The following EXOC4 variants were observed in gnomAD, a reference collection of about 807,000 sequenced individuals.
EXOC4 encodes the protein exocyst complex component 4.
In EXOC4, 71 loss-of-function variants were observed where a neutral mutation model predicts 107.2. The ratio of observed to expected loss-of-function variants is 0.66; its 90% CI spans 0.55 to 0.81. The LOEUF is 0.81. Ranked by LOEUF, EXOC4 falls within the 30% of genes least tolerant of loss-of-function variation. The probability of loss-of-function intolerance (pLI) is 0.00; values close to 1 mark genes in which losing one functional copy is unlikely to be tolerated. For missense variants in EXOC4, 1,108 were observed against 1,189.6 expected (o/e 0.93, Z 1.01); for synonymous variants, 456 against 441.2 (o/e 1.03, Z -0.42).
At chr7:133,330,640 C>A (rs1019224427) in intron 5 of EXOC4, among the ~76,000 whole-genome samples, 1 of 130,038 alleles carries the variant, frequency 7.7e-6, no homozygotes. Flanking sequence ...CTGTTCCTCA[C>A]GGCACGGCAC....
intron 11 of EXOC4, among the ~76,000 whole-genome samples, chr7:133,839,718 C>T (rs1211772992): frequency 6.6e-6 from 1 of 152,202 alleles, no homozygotes; most frequent in Admixed American, 6.5e-5. Flanking sequence ...TCCAGAACCT[C>T]AGACCACTAT....
At chr7:133,484,069 C>T (rs746469739) in intron 9 of EXOC4, 1 of 1,613,890 alleles carries the variant, frequency 6.2e-7, no homozygotes, top group Non-Finnish European at 8.5e-7. Flanking sequence ...ACCAGAAAGA[C>T]AATCAAAGTA....
At chr7:133,429,770 G>T (rs1797812091) in intron 7 of EXOC4, among the ~76,000 whole-genome samples, 2 of 152,216 alleles carry the variant, frequency 1.3e-5, no homozygotes, top group Admixed American at 6.5e-5. Flanking sequence ...CCATGTTATA[G>T]CATGGCAGTA....
chr7:133,414,677 G>C (rs538998727), intron 7 of EXOC4, among the ~76,000 whole-genome samples: 2 of 152,192 alleles, frequency 1.3e-5, no homozygotes, highest in South Asian at 4.1e-4. Flanking sequence ...AATGTAAACT[G>C]TAAAAGAGTA....
At position 133,557,445 on chromosome 7, in the gene EXOC4, C is replaced by T. The variant is rs1272419752; in HGVS notation, c.1418-72600C>T. Among the ~76,000 whole-genome samples the T allele has an allele frequency of 2.0e-5, 3 of 152,130 alleles. No individual in the cohort carries two copies. In the South Asian group the frequency reaches 6.2e-4, roughly 32 times the overall value. On this transcript the variant is annotated intron_variant, in intron 9 of 17. Coordinates refer to ENST00000253861, the MANE Select transcript of EXOC4 (RefSeq NM_021807.4). The stretch of plus-strand genomic sequence containing the variant: ...TATGCCATATGCATTCTGTTAATGG[C>T]CTAGGGATTTCATGGGCCCAAGGTT...
At chr7:133,978,874 C>T (rs1050796796) in intron 14 of EXOC4, among the ~76,000 whole-genome samples, 1 of 152,136 alleles carries the variant, frequency 6.6e-6, no homozygotes, top group African/African-American at 2.4e-5. Context: ...AACCCAAAAC[C>T]CCTACTGGCA....
chr7:133,374,195 A>C (rs1315410478), intron 6 of EXOC4, among the ~76,000 whole-genome samples: 1 of 152,188 alleles, frequency 6.6e-6, no homozygotes, highest in Admixed American at 6.5e-5. Flanking sequence ...TGTGTCCTTG[A>C]GTATATAAAA....
chr7:133,720,258 A>G (rs1279024387), intron 10 of EXOC4, among the ~76,000 whole-genome samples: 1 of 152,176 alleles, frequency 6.6e-6, no homozygotes, highest in African/African-American at 2.4e-5. Context: ...TGATTTCCTT[A>G]TCTGAAAAAA....
chr7:133,815,604 A>T (rs565910036), intron 10 of EXOC4, among the ~76,000 whole-genome samples: 1 of 152,134 alleles, frequency 6.6e-6, no homozygotes, highest in Non-Finnish European at 1.5e-5. Context: ...GTGAACTATC[A>T]TACTTCTGAG....
chr7:133,624,524 A>G (rs1802408201), intron 9 of EXOC4, among the ~76,000 whole-genome samples: 2 of 152,154 alleles, frequency 1.3e-5, no homozygotes, highest in South Asian at 4.1e-4. Flanking sequence ...TTGAGGCTGC[A>G]GTGAGCTGTG....
At chr7:134,001,615 C>T (rs1346604966) in intron 15 of EXOC4, among the ~76,000 whole-genome samples, 1 of 152,188 alleles carries the variant, frequency 6.6e-6, no homozygotes, top group Non-Finnish European at 1.5e-5. Flanking sequence ...ACTCTACTTC[C>T]AGTTGCTTCC....
At chr7:133,625,621 A>G (rs1167243993) in intron 9 of EXOC4, among the ~76,000 whole-genome samples, 2 of 152,234 alleles carry the variant, frequency 1.3e-5, no homozygotes, top group Admixed American at 1.3e-4. Context: ...TTAAAAGTAA[A>G]TGAATTCTAA....
intron 10 of EXOC4, among the ~76,000 whole-genome samples, chr7:133,655,889 G>C (rs771758512): frequency 6.6e-6 from 1 of 152,164 alleles, no homozygotes; most frequent in South Asian, 2.1e-4. Flanking sequence ...TTTGTTATTC[G>C]TATCTGGTAT....
At chr7:133,661,820 TGTAAAGC>T (rs1270891453) in intron 10 of EXOC4, among the ~76,000 whole-genome samples, 2 of 152,016 alleles carry the variant, frequency 1.3e-5, no homozygotes, top group Admixed American at 1.3e-4. Context: ...TTGGTAGTCC[TGTAAAGC>T]ATATATAGTC....
intron 14 of EXOC4, among the ~76,000 whole-genome samples, chr7:133,951,474 A>C (rs1232188676): frequency 2.6e-5 from 4 of 152,154 alleles, no homozygotes; most frequent in Admixed American, 2.6e-4. Context: ...CCTCATTCTT[A>C]GTCTTCCTGA....
At chr7:134,092,951 A>G in the EXOC4 span, among the ~76,000 whole-genome samples, 1 of 151,178 alleles carries the variant, frequency 6.6e-6, no homozygotes, top group Non-Finnish European at 1.5e-5. Context: ...AAACCAAAGA[A>G]TGATACCTAC....
chr7:133,724,690 C>T (rs1795179727), intron 10 of EXOC4, among the ~76,000 whole-genome samples: 1 of 152,150 alleles, frequency 6.6e-6, no homozygotes, highest in Non-Finnish European at 1.5e-5. Flanking sequence ...CTGAAGGGCT[C>T]ATTAAGAAAG....
chr7:133,678,905 C>G (rs533336489), intron 10 of EXOC4, among the ~76,000 whole-genome samples: 8 of 152,330 alleles, frequency 5.3e-5, no homozygotes, highest in African/African-American at 1.9e-4. Flanking sequence ...CAGGCATGAG[C>G]CACCACACCT....
chr7:133,790,539 C>G (rs1309954421), intron 10 of EXOC4, among the ~76,000 whole-genome samples: 2 of 152,238 alleles, frequency 1.3e-5, no homozygotes, highest in Non-Finnish European at 2.9e-5. Flanking sequence ...ATCACAAGTT[C>G]ACATGTTAAC....
Sources: allele counts gnomAD v4.1 joint callset (sites outside exome capture counted in the v4.1 genomes callset), GRCh38; gene constraint gnomAD v4.1.1; transcripts MANE v1.5; gene names NCBI Gene and HGNC (gene_info 2026-07-23, HGNC 2026-07-21).